MAGI2: variants seen among roughly 807,000 people sequenced by gnomAD.
MAGI2 encodes the protein membrane-associated guanylate kinase, WW and PDZ domain-containing protein 2.
MAGI2 carries 35 observed loss-of-function variants against 133.3 expected under a neutral mutation model. The ratio of observed to expected loss-of-function variants is 0.26; its 90% CI spans 0.20 to 0.35. The LOEUF is 0.35. MAGI2 is among the 10% of genes least tolerant of loss of function. The probability of loss-of-function intolerance (pLI) is 1.00; values close to 1 mark genes in which losing one functional copy is unlikely to be tolerated. For synonymous variants in MAGI2, 729 were observed against 710.6 expected, an observed-to-expected ratio of 1.03 and a Z score of -0.41; for missense variants, 1,636 against 1,863.4, an observed-to-expected ratio of 0.88 and a Z score of 2.25.
intron 21 of MAGI2, among the ~76,000 whole-genome samples, chr7:78,046,407 AAAAC>A (rs1255874780): frequency 7.5e-6 from 1 of 133,568 alleles, no homozygotes; most frequent in African/African-American, 3.1e-5. Flanking sequence ...GTCTCAAAAA[AAAAC>A]AAAAAAAAAA....
intron 21 of MAGI2, among the ~76,000 whole-genome samples, chr7:78,053,137 G>A (rs894155120): frequency 1.3e-5 from 2 of 152,118 alleles, no homozygotes; most frequent in African/African-American, 2.4e-5. Flanking sequence ...TTAACATGCA[G>A]TATTTTGTTA....
intron 2 of MAGI2, among the ~76,000 whole-genome samples, chr7:78,702,101 T>A (rs1818135983): frequency 6.6e-6 from 1 of 151,920 alleles, no homozygotes; most frequent in Admixed American, 6.6e-5. Context: ...ATGTCTAGAG[T>A]TCTCTACTGG....
At chr7:78,580,383 G>A (rs1802710722) in intron 3 of MAGI2, among the ~76,000 whole-genome samples, 1 of 152,132 alleles carries the variant, frequency 6.6e-6, no homozygotes, top group Non-Finnish European at 1.5e-5. Flanking sequence ...ACAAGGTAAT[G>A]ATGTACGTGT....
chr7:78,893,891 G>T lies in MAGI2; in HGVS notation c.418+113199C>A, dbSNP rs541713893. Among the ~76,000 whole-genome samples, 11 of 152,146 alleles carry T rather than the reference G, an allele frequency of 7.2e-5. 1 individual carries two copies. The South Asian group carries it at 2.3e-3, about 32-fold the overall frequency. On this transcript the variant is annotated intron_variant, in intron 2 of 21. Coordinates refer to ENST00000354212, the MANE Select transcript of MAGI2 (RefSeq NM_012301.4). ...TAAAGTATAATAATAATAAAAAAAAGAATTTCCAAATCACTTTTCTTAGGT... is the reference window on the plus strand; with the variant it reads ...TAAAGTATAATAATAATAAAAAAAATAATTTCCAAATCACTTTTCTTAGGT...
intron 4 of MAGI2, among the ~76,000 whole-genome samples, chr7:78,509,922 C>T (rs371921897): frequency 1.3e-5 from 2 of 152,096 alleles, no homozygotes; most frequent in Admixed American, 6.5e-5. Context: ...TTCCTTTAAA[C>T]TGTCATAAAG....
chr7:78,963,900 G>T (rs918347705), intron 2 of MAGI2, among the ~76,000 whole-genome samples: 7 of 151,950 alleles, frequency 4.6e-5, no homozygotes, highest in Non-Finnish European at 1.0e-4. Flanking sequence ...CGAACTCAGG[G>T]TTTTTTAATT....
At chr7:78,214,762 A>T (rs1365317368) in intron 10 of MAGI2, among the ~76,000 whole-genome samples, 1 of 152,248 alleles carries the variant, frequency 6.6e-6, no homozygotes, top group African/African-American at 2.4e-5. Context: ...AAAAATCATC[A>T]GAGGATTACC....
chr7:79,110,964 C>T (rs941660058), intron 1 of MAGI2, among the ~76,000 whole-genome samples: 2 of 152,126 alleles, frequency 1.3e-5, no homozygotes, highest in Non-Finnish European at 2.9e-5. Context: ...TGCTGGCTCC[C>T]GCTTTGCCTC....
intron 2 of MAGI2, among the ~76,000 whole-genome samples, chr7:78,857,879 G>C (rs1480539023): frequency 2.0e-5 from 3 of 152,106 alleles, no homozygotes; most frequent in Non-Finnish European, 2.9e-5. Context: ...ATTCCGTCTG[G>C]TCCTGGATTT....
intron 1 of MAGI2, among the ~76,000 whole-genome samples, chr7:79,113,483 G>T (rs1458360367): frequency 1.2e-4 from 19 of 152,116 alleles, no homozygotes; most frequent in Admixed American, 1.2e-3. Context: ...TCTAAGTTTT[G>T]CTGTCTGTAC....
chr7:78,096,231 G>A (rs1200651484), intron 20 of MAGI2, among the ~76,000 whole-genome samples: 1 of 152,190 alleles, frequency 6.6e-6, no homozygotes. Flanking sequence ...ACGGGCTTTG[G>A]TGGAATCAGG....
intron 2 of MAGI2, among the ~76,000 whole-genome samples, chr7:78,995,692 T>G (rs941644463): frequency 2.6e-5 from 4 of 152,212 alleles, no homozygotes; most frequent in Admixed American, 6.6e-5. Context: ...CAATGTCTGT[T>G]GCTGGTAGAC....
intron 1 of MAGI2, among the ~76,000 whole-genome samples, chr7:79,373,413 T>C (rs1043470875): frequency 2.0e-5 from 3 of 151,970 alleles, no homozygotes; most frequent in South Asian, 2.1e-4. Flanking sequence ...TTCTGAAAAT[T>C]GTTAAATATC....
chr7:78,796,691 T>C (rs1787644712), intron 2 of MAGI2, among the ~76,000 whole-genome samples: 1 of 152,176 alleles, frequency 6.6e-6, no homozygotes, highest in African/African-American at 2.4e-5. Context: ...CCATGTTTAT[T>C]GCAGCACTGT....
At chr7:78,282,401 T>C (rs1025146320) in intron 9 of MAGI2, among the ~76,000 whole-genome samples, 1 of 152,094 alleles carries the variant, frequency 6.6e-6, no homozygotes, top group Non-Finnish European at 1.5e-5. Context: ...TTTTTGCAAA[T>C]AAAGTTTTAT....
In MAGI2 at chr7:79,101,736, AAAAAG is replaced by A. The variant is rs1203959862; in HGVS notation, c.302-94535_302-94531del. Reference sequence around the variant, plus strand: ...AAGACTCTGTCACAAAAAAAAAAAAAAAAAGAAAAAAGAAAAAGGAAAATGGACTA... The same window carrying A: ...AAGACTCTGTCACAAAAAAAAAAAAAAAAAAAGAAAAAGGAAAATGGACTA... On this transcript the variant is annotated intron_variant, in intron 1 of 21. Coordinates refer to ENST00000354212, the MANE Select transcript of MAGI2 (RefSeq NM_012301.4). 9.7e-3 allele frequency among the ~76,000 whole-genome samples: 1,457 copies of A among 150,134 alleles called. 14 individuals are homozygous for A. The highest frequency in any genetic ancestry group is 0.034 in the African/African-American group (1,389 of 40,562).
At chr7:78,693,336 T>C (rs1252048055) in intron 2 of MAGI2, among the ~76,000 whole-genome samples, 1 of 152,152 alleles carries the variant, frequency 6.6e-6, no homozygotes, top group Non-Finnish European at 1.5e-5. Context: ...TAACTTCTAT[T>C]ATTTTCTCTA....
At chr7:78,096,020 T>C (rs1319037537) in intron 20 of MAGI2, among the ~76,000 whole-genome samples, 5 of 152,242 alleles carry the variant, frequency 3.3e-5, no homozygotes, top group African/African-American at 1.2e-4. Context: ...TTTAAGTCCT[T>C]ATTAGCCAAA....
At chr7:78,579,022 C>T (rs2150802541) in intron 3 of MAGI2, among the ~76,000 whole-genome samples, 1 of 152,314 alleles carries the variant, frequency 6.6e-6, no homozygotes, top group South Asian at 2.1e-4. Context: ...GCCTTCTATT[C>T]CCATGTCTCA....
Sources: allele counts gnomAD v4.1 joint callset (sites outside exome capture counted in the v4.1 genomes callset), GRCh38; gene constraint gnomAD v4.1.1; transcripts MANE v1.5; gene names NCBI Gene and HGNC (gene_info 2026-07-23, HGNC 2026-07-21).